NOVA1: variants seen among roughly 807,000 people sequenced by gnomAD.
NOVA1 encodes the protein NOVA alternative splicing regulator 1, also known as RNA-binding protein Nova-1.
NOVA1 carries 7 observed loss-of-function variants against 38.0 expected under a neutral mutation model. The ratio of observed to expected loss-of-function variants is 0.18; its 90% CI spans 0.10 to 0.35. The LOEUF is 0.35. Ranked by LOEUF, NOVA1 falls within the 10% of genes least tolerant of loss-of-function variation. NOVA1 has a pLI of 1.00. For synonymous variants in NOVA1, 270 were observed against 232.5 expected (o/e 1.16, Z -1.47); for missense variants, 460 against 616.0 (o/e 0.75, Z 2.68).
intron 2 of NOVA1, among the ~76,000 whole-genome samples, chr14:26,524,974 T>C (rs1303229162): frequency 6.6e-6 from 1 of 152,194 alleles, no homozygotes; most frequent in Non-Finnish European, 1.5e-5. Flanking sequence ...ACTAGTTCCA[T>C]GTGTATTCAA....
rs780944723 is a variant in NOVA1 at position 26,574,023 on chromosome 14, C to CTTT, written c.280+21384_280+21386dup. On this transcript the variant is annotated intron_variant, in intron 2 of 4. Transcript: ENST00000539517. ...ACAGCTCAAGAAAGCAAAGATTACA[C>CTTT]TTTTTTTTTTTTTTTTTTTTGAGAC... is the stretch of plus-strand genomic sequence containing the variant. 1.4e-3 allele frequency among the ~76,000 whole-genome samples: 175 copies of CTTT among 121,050 alleles called. 5 individuals carry two copies. The highest frequency in any genetic ancestry group is 4.8e-3 in the African/African-American group (143 of 29,738). 79.4% of individuals were successfully genotyped at this position (121,050 alleles called of 152,430 possible). A position where few individuals can be genotyped will look rare whatever the true frequency, so the allele number is the denominator to read the frequency against.
At chr14:26,450,731 T>C (rs1882598207) in intron 4 of NOVA1, among the ~76,000 whole-genome samples, 1 of 152,188 alleles carries the variant, frequency 6.6e-6, no homozygotes, top group South Asian at 2.1e-4. Context: ...TATGATTATA[T>C]ACTATACCAA....
intron 4 of NOVA1, among the ~76,000 whole-genome samples, chr14:26,459,457 T>C (rs1366951217): frequency 6.6e-6 from 1 of 152,098 alleles, no homozygotes; most frequent in African/African-American, 2.4e-5. Flanking sequence ...CCATGATGTA[T>C]GCACAATGAC....
At chr14:26,584,593 C>T (rs1388766183) in intron 2 of NOVA1, among the ~76,000 whole-genome samples, 1 of 151,332 alleles carries the variant, frequency 6.6e-6, no homozygotes, top group African/African-American at 2.4e-5. Context: ...CCACTGACCC[C>T]CACACCAACA....
chr14:26,461,425 C>T (rs1005915254), intron 4 of NOVA1, among the ~76,000 whole-genome samples: 4 of 152,022 alleles, frequency 2.6e-5, no homozygotes, highest in Non-Finnish European at 5.9e-5. Flanking sequence ...TGGTGTGCTG[C>T]TTTCAGTGGT....
intron 4 of NOVA1, among the ~76,000 whole-genome samples, chr14:26,449,931 TAAGA>T (rs1240231505): frequency 6.6e-6 from 1 of 152,142 alleles, no homozygotes; most frequent in Admixed American, 6.5e-5. Flanking sequence ...AAAATTATTA[TAAGA>T]AATATCAAAT....
chr14:26,564,164 G>A (rs1891989311), intron 2 of NOVA1, among the ~76,000 whole-genome samples: 1 of 151,906 alleles, frequency 6.6e-6, no homozygotes, highest in Non-Finnish European at 1.5e-5. Flanking sequence ...TAATTATCTG[G>A]AAAACACTTC....
At chr14:26,547,186 T>C (rs974260402) in intron 2 of NOVA1, among the ~76,000 whole-genome samples, 2 of 152,136 alleles carry the variant, frequency 1.3e-5, no homozygotes, top group African/African-American at 4.8e-5. Context: ...CCAAAATTAT[T>C]AAGTGAGTGC....
chr14:26,487,474 A>C (rs1488779830), intron 2 of NOVA1, among the ~76,000 whole-genome samples: 1 of 152,094 alleles, frequency 6.6e-6, no homozygotes, highest in African/African-American at 2.4e-5. Flanking sequence ...TAATTGATTG[A>C]CACACATAAA....
chr14:26,558,394 C>T (rs912322991), intron 2 of NOVA1, among the ~76,000 whole-genome samples: 2 of 152,020 alleles, frequency 1.3e-5, no homozygotes, highest in Non-Finnish European at 2.9e-5. Context: ...GTAAGAAAAA[C>T]TGTGTTAGGA....
chr14:26,581,710 C>T (rs577641542), intron 2 of NOVA1, among the ~76,000 whole-genome samples: 1 of 151,962 alleles, frequency 6.6e-6, no homozygotes, highest in South Asian at 2.1e-4. Context: ...AATATTATCT[C>T]CCAGTGATGG....
intron 2 of NOVA1, among the ~76,000 whole-genome samples, chr14:26,523,907 T>C (rs995412289): frequency 9.2e-5 from 14 of 152,086 alleles, no homozygotes; most frequent in East Asian, 5.8e-4. Flanking sequence ...CCCGACACCA[T>C]GCCCAGCTAA....
At chr14:26,564,866 C>T (rs897872935) in intron 2 of NOVA1, among the ~76,000 whole-genome samples, 1 of 152,104 alleles carries the variant, frequency 6.6e-6, no homozygotes, top group Non-Finnish European at 1.5e-5. Flanking sequence ...TACACTTAAA[C>T]CTTTAAGTAC....
chr14:26,448,623 C>A lies in NOVA1; in HGVS notation c.860G>T (p.Gly287Val). The change falls in exon 5 of 5, where the codon GGG becomes GTG. Residue 287 changes from glycine to valine, a missense_variant. Physicochemically the swap from Gly to Val is moderately radical, Grantham distance 109. Coordinates refer to ENST00000539517, the MANE Select transcript of NOVA1 (RefSeq NM_002515.3). This position sits in a 1 kb window ranked among gnomAD's most constrained non-coding sequence, Gnocchi z 5.3. Reference protein sequence around the residue: ...EVLPTAAAAAGLLGHANLAGV... With the variant: ...EVLPTAAAAAVLLGHANLAGV... ...AGCAAGGTTAGCATGTCCTAATAGC[C>A]CTGCAGCTGCTGCAGCAGTTGGTAA... The A allele has an allele frequency of 6.2e-7, 1 of 1,614,216 alleles. No individual in the cohort carries two copies. The highest frequency in any genetic ancestry group is 1.3e-5 in the African/African-American group (1 of 75,056).
At chr14:26,520,127 C>G (rs960597096) in intron 2 of NOVA1, among the ~76,000 whole-genome samples, 1 of 152,208 alleles carries the variant, frequency 6.6e-6, no homozygotes, top group African/African-American at 2.4e-5. Flanking sequence ...TCATGGCCAA[C>G]GGCCTTGTAA....
At chr14:26,535,620 T>C (rs1047579014) in intron 2 of NOVA1, among the ~76,000 whole-genome samples, 6 of 152,086 alleles carry the variant, frequency 3.9e-5, no homozygotes, top group Non-Finnish European at 8.8e-5. Context: ...TATATGATTA[T>C]TCAAAAATTA....
Position 26,568,029 on chromosome 14 carries a change from A to T in NOVA1, c.280+27381T>A, listed in dbSNP as rs545144791. ...GATAAAGGATAAAATCAAGGAAAAG[A>T]TAACAATGAAAAGGGAATCTTGGGA... On this transcript the variant is annotated intron_variant, in intron 2 of 4. Coordinates refer to ENST00000539517, the MANE Select transcript of NOVA1 (RefSeq NM_002515.3). 3.9e-5 allele frequency among the ~76,000 whole-genome samples: 6 copies of T among 152,340 alleles called. No homozygotes were observed. The South Asian group carries it at 1.2e-3, about 32-fold the overall frequency.
chr14:26,577,527 T>G lies in NOVA1; in HGVS notation c.280+17883A>C, dbSNP rs185917811. Among the ~76,000 whole-genome samples the G allele has an allele frequency of 3.6e-3, 552 of 152,258 alleles. 7 individuals are homozygous for G. Among genetic ancestry groups the G allele is most frequent in the African/African-American group, 0.012 (508 of 41,584 alleles). ...TGTTAATTCTTTACCTGCCTACACA[T>G]AGCAGAGTGCATTTCTGTAACATTT... is the stretch of plus-strand genomic sequence containing the variant. On this transcript the variant is annotated intron_variant, in intron 2 of 4. Coordinates refer to ENST00000539517, the MANE Select transcript of NOVA1 (RefSeq NM_002515.3).
At position 26,448,874 on chromosome 14, in the gene NOVA1, A is replaced by G; in HGVS notation, c.609T>C (p.Ala203=). Residue 203 remains alanine, a synonymous_variant, in exon 5 of 5, where the codon GCT becomes GCC. Transcript: ENST00000539517. This position sits in a 1 kb window ranked among gnomAD's most constrained non-coding sequence, Gnocchi z 5.3. ...TVKAVMEQSG[A]WVQLSQKPDG... is the part of the protein sequence containing the mutation. ...CAGGTTTCTGGGAAAGCTGCACCCA[A>G]GCCCCTGACTGCTCCATTACAGCCT... 6.2e-7 allele frequency: 1 copy of G among 1,614,062 alleles called. No individual in the cohort carries two copies. The highest frequency in any genetic ancestry group is 8.5e-7 in the Non-Finnish European group (1 of 1,180,006).
Sources: allele counts gnomAD v4.1 joint callset (sites outside exome capture counted in the v4.1 genomes callset), GRCh38; gene constraint gnomAD v4.1.1; non-coding constraint Gnocchi (gnomAD v3.1); transcripts MANE v1.5; gene names NCBI Gene and HGNC (gene_info 2026-07-23, HGNC 2026-07-21).